Variants in SLC12A9 observed in about 807,000 individuals in gnomAD.
SLC12A9 encodes the protein solute carrier family 12 member 9, also known as CCC-interacting protein 1.
Under a neutral mutation model 66.0 loss-of-function variants are expected in SLC12A9, and 55 were observed. That is an observed-to-expected ratio of 0.83 (90% CI 0.67 to 1.04). The LOEUF is 1.04. SLC12A9 is among the 50% of genes least tolerant of loss of function. The pLI, the probability that SLC12A9 is intolerant of heterozygous loss-of-function variation, is 0.00. For missense variants in SLC12A9, 1,061 were observed against 1,241.9 expected (o/e 0.85, Z 2.19); for synonymous variants, 577 against 569.0 (o/e 1.01, Z -0.20).
intron 5 of SLC12A9, 181 bp from the exon 6 acceptor site, chr7:100,858,649 AGCACT>A: frequency 1.7e-6 from 1 of 585,000 alleles, no homozygotes; most frequent in South Asian, 2.0e-5. Context: ...GGAATATCGG[AGCACT>A]GGGGGGACGT....
intron 1 of SLC12A9, among the ~76,000 whole-genome samples, chr7:100,830,217 T>C (rs948843794): frequency 2.0e-5 from 3 of 151,622 alleles, no homozygotes; most frequent in Non-Finnish European, 2.9e-5. Context: ...CCAGGTGTGG[T>C]GGTGCAGGCC....
chr7:100,844,085 TG>T (rs1175989248), intron 1 of SLC12A9, among the ~76,000 whole-genome samples: 1 of 152,224 alleles, frequency 6.6e-6, no homozygotes, highest in Non-Finnish European at 1.5e-5. Flanking sequence ...AGGACTCATT[TG>T]CCTTAAAATT....
chr7:100,863,313 G>A (rs1042816034), intron 13 of SLC12A9, among the ~76,000 whole-genome samples: 4 of 152,024 alleles, frequency 2.6e-5, no homozygotes, highest in African/African-American at 7.2e-5. Flanking sequence ...TGATCTACCC[G>A]CCTCGGCCTC....
At chr7:100,860,898 GT>G in intron 9 of SLC12A9, 1 of 665,942 alleles carries the variant, frequency 1.5e-6, no homozygotes, top group Non-Finnish European at 2.6e-6. Context: ...CACTTTTGGG[GT>G]TTAATAGCAT....
In SLC12A9 at chr7:100,859,039, C is replaced by A. The variant is rs1354476083; in HGVS notation, c.866-11C>A. ...AGGGCTGACCTCACTCCCTCTGCTCCCCCTCTCCAGGGGAGCTGAAGGACC... is the reference window on the plus strand; with the variant it reads ...AGGGCTGACCTCACTCCCTCTGCTCACCCTCTCCAGGGGAGCTGAAGGACC... On this transcript the variant is annotated splice_polypyrimidine_tract_variant and intron_variant, in intron 6 of 13. Transcript: ENST00000354161. 1.2e-6 allele frequency: 2 copies of A among 1,612,892 alleles called. No homozygotes were observed. The highest frequency in any genetic ancestry group is 1.7e-6 in the Non-Finnish European group (2 of 1,179,836).
intron 1 of SLC12A9, among the ~76,000 whole-genome samples, chr7:100,841,713 C>T (rs769663099): frequency 2.8e-4 from 42 of 151,460 alleles, no homozygotes; most frequent in African/African-American, 9.5e-4. Flanking sequence ...TCATAACACA[C>T]GAATATAAAG....
chr7:100,865,182 T>A, intron 13 of SLC12A9: 1 of 1,359,864 alleles, frequency 7.4e-7, no homozygotes, highest in Non-Finnish European at 1.0e-6. Flanking sequence ...GGTCTCAAAC[T>A]CCTGATCTCA....
At chr7:100,865,323 G>A (rs1815003897) in intron 13 of SLC12A9, 1 of 1,535,918 alleles carries the variant, frequency 6.5e-7, no homozygotes, top group Non-Finnish European at 8.7e-7. Flanking sequence ...TTCAGGTCAT[G>A]AGCTTGGCTG....
intron 1 of SLC12A9, chr7:100,837,195 G>C (rs1306791611): frequency 6.6e-6 from 1 of 152,194 alleles, no homozygotes; most frequent in Non-Finnish European, 1.5e-5. Context: ...CTCTGGCCTT[G>C]GCCCCGCAAA....
At chr7:100,849,832 T>C (rs1301020403), upstream of SLC12A9, among the ~76,000 whole-genome samples, 6 of 151,056 alleles carry the variant, frequency 4.0e-5, no homozygotes, top group Non-Finnish European at 8.8e-5. Flanking sequence ...CATCCTACCC[T>C]CTTTCTACTG....
intron 1 of SLC12A9, among the ~76,000 whole-genome samples, chr7:100,831,250 G>A (rs570083567): frequency 2.0e-5 from 3 of 152,266 alleles, no homozygotes; most frequent in Admixed American, 6.5e-5. Flanking sequence ...GCAAAGGTGC[G>A]ATCTCGGCTC....
At chr7:100,851,000 G>A (rs553126737), upstream of SLC12A9, among the ~76,000 whole-genome samples, 1 of 151,942 alleles carries the variant, frequency 6.6e-6, no homozygotes, top group African/African-American at 2.4e-5. Context: ...TTACAGGCGT[G>A]AGCCACCGTG....
At chr7:100,860,091 G>A in intron 8 of SLC12A9, 49 bp downstream of exon 8, 1 of 1,614,146 alleles carries the variant, frequency 6.2e-7, no homozygotes, top group Non-Finnish European at 8.5e-7. Flanking sequence ...TCCCTTGTCT[G>A]TCTCTCCGTC....
At chr7:100,830,512 AAAAG>A (rs780684768) in intron 1 of SLC12A9, among the ~76,000 whole-genome samples, 11 of 151,960 alleles carry the variant, frequency 7.2e-5, no homozygotes, top group Non-Finnish European at 1.5e-4. Flanking sequence ...TGTCTACAAA[AAAAG>A]AAAGAAAGAA....
At chr7:100,863,923 C>T (rs189783328) in intron 13 of SLC12A9, among the ~76,000 whole-genome samples, 2 of 152,282 alleles carry the variant, frequency 1.3e-5, no homozygotes, top group Admixed American at 6.5e-5. Flanking sequence ...TTCACACCTG[C>T]GGAGATGTTT....
In SLC12A9 at chr7:100,861,468, AGTCCTG is replaced by A; in HGVS notation, c.1422_1427del (p.Pro475_Gly476del). 6.2e-7 allele frequency: 1 copy of A among 1,613,720 alleles called. No homozygotes were observed. Among genetic ancestry groups the A allele is most frequent in the Non-Finnish European group, 8.5e-7 (1 of 1,180,010 alleles). Reference sequence around the variant, plus strand: ...CTGCCTGCTCATGATGTTCCTCATCAGTCCTGGCGCGGCTGGTGGCTCCCTGCTCCT... The same window carrying A: ...CTGCCTGCTCATGATGTTCCTCATCAGCGCGGCTGGTGGCTCCCTGCTCCT... On this transcript the variant is annotated inframe_deletion, in exon 11 of 14. Transcript: ENST00000354161. This position sits in a 1 kb window ranked among gnomAD's most constrained non-coding sequence, Gnocchi z 5.3.
chr7:100,860,094 T>C (rs759100291), intron 8 of SLC12A9, 52 bp downstream of exon 8: 6 of 1,614,028 alleles, frequency 3.7e-6, no homozygotes, highest in Non-Finnish European at 4.2e-6. Flanking sequence ...CTTGTCTGTC[T>C]CTCCGTCCCC....
chr7:100,865,471 GCGAA>G (rs1339056191), intron 13 of SLC12A9: 34 of 1,533,766 alleles, frequency 2.2e-5, no homozygotes, highest in Non-Finnish European at 3.0e-5. Context: ...GAATCCTAAG[GCGAA>G]CTTTGCCTGT....
Position 100,861,090 on chromosome 7 carries a change from G to A in SLC12A9, c.1219-48G>A, listed in dbSNP as rs1412671548. 6.2e-7 allele frequency: 1 copy of A among 1,613,812 alleles called. No homozygotes were observed. Among genetic ancestry groups the A allele is most frequent in the Admixed American group, 1.7e-5 (1 of 60,026 alleles). Reference sequence around the variant, plus strand: ...TTTGGTGTTCACTGGCATTTTGGGGGTGCACTGGCACTTTGGAACAACGGC... The same window carrying A: ...TTTGGTGTTCACTGGCATTTTGGGGATGCACTGGCACTTTGGAACAACGGC... On this transcript the variant is annotated intron_variant, in intron 9 of 13. Coordinates refer to ENST00000354161, the MANE Select transcript of SLC12A9 (RefSeq NM_020246.4). The surrounding 1 kb of genome is among the most constrained non-coding windows in gnomAD (Gnocchi z 5.3).
Sources: gnomAD v4.1 joint callset for allele counts (sites outside exome capture counted in the v4.1 genomes callset) on GRCh38, gnomAD v4.1.1 for gene constraint, Gnocchi (gnomAD v3.1) non-coding constraint, MANE v1.5 for transcripts, NCBI Gene and HGNC (gene_info 2026-07-23, HGNC 2026-07-21) for gene names.